Variants in STAG1 observed in about 807,000 individuals in gnomAD.
STAG1 encodes cohesin subunit SA-1.
STAG1 carries 26 observed loss-of-function variants against 170.9 expected under a neutral mutation model. That is an observed-to-expected ratio of 0.15 (90% confidence interval 0.11 to 0.21). STAG1 has a LOEUF of 0.21. Ranked by LOEUF, STAG1 falls within the 10% of genes least tolerant of loss-of-function variation. The probability of loss-of-function intolerance (pLI) is 1.00; values close to 1 mark genes in which losing one functional copy is unlikely to be tolerated. For synonymous variants in STAG1, 514 were observed against 497.7 expected (o/e 1.03, Z -0.44); for missense variants, 964 against 1,509.5 (o/e 0.64, Z 5.99).
rs556960964 is a variant in STAG1 at position 136,563,792 on chromosome 3, G to A, written c.394+4973C>T. On this transcript the variant is annotated intron_variant, in intron 5 of 33. Coordinates refer to ENST00000383202, the MANE Select transcript of STAG1 (RefSeq NM_005862.3). ...TCCCAGCACTTTAGGAGGCCAAGGC[G>A]GGTGGATCATGAGGTCAGGAGTTCA... Among the ~76,000 whole-genome samples the A allele has an allele frequency of 1.9e-3, 282 of 152,144 alleles. 1 individual carries two copies. The highest frequency in any genetic ancestry group is 5.7e-3 in the African/African-American group (238 of 41,496).
chr3:136,468,532 A>C (rs1171329690), intron 12 of STAG1, among the ~76,000 whole-genome samples: 1 of 152,210 alleles, frequency 6.6e-6, no homozygotes, highest in African/African-American at 2.4e-5. Context: ...ACCAACCAAA[A>C]AAAGTCCAGG....
At chr3:136,588,954 G>A (rs1311567601) in intron 4 of STAG1, among the ~76,000 whole-genome samples, 2 of 152,040 alleles carry the variant, frequency 1.3e-5, no homozygotes, top group Non-Finnish European at 2.9e-5. Context: ...GCAGAGAAGG[G>A]GTTTCACTAT....
rs185379653 is a variant in STAG1 at position 136,384,404 on chromosome 3, T to G, written c.2278-6652A>C. Among the ~76,000 whole-genome samples, 11 of 147,792 alleles carry G rather than the reference T, an allele frequency of 7.4e-5. No individual in the cohort carries two copies. The East Asian group carries it at 2.2e-3, about 29-fold the overall frequency. ...GGTGTAGGTTACAGAGAGCAAAGAC[T>G]GCACCATTGCACTCCAGCCTCGGCA... On this transcript the variant is annotated intron_variant, in intron 22 of 33. Transcript: ENST00000383202.
chr3:136,599,419 T>C lies in STAG1; in HGVS notation c.297+4890A>G, dbSNP rs553822035. 8.5e-5 allele frequency among the ~76,000 whole-genome samples: 13 copies of C among 152,216 alleles called. No individual in the cohort carries two copies. In the East Asian group the frequency reaches 2.5e-3, roughly 29 times the overall value. On this transcript the variant is annotated intron_variant, in intron 4 of 33. Coordinates refer to ENST00000383202, the MANE Select transcript of STAG1 (RefSeq NM_005862.3). ...GGTGACATGTGCCTGTAGTCCCAGC[T>C]ACTTGGGAGGCTGAAGCAGGAGAGT...
At chr3:136,484,152 G>A (rs933480373) in intron 9 of STAG1, among the ~76,000 whole-genome samples, 2 of 147,524 alleles carry the variant, frequency 1.4e-5, no homozygotes, top group South Asian at 2.2e-4. Flanking sequence ...GAGGAGAGGC[G>A]CTCTGCGTTT....
At chr3:136,372,553 T>G (rs981164639) in intron 23 of STAG1, among the ~76,000 whole-genome samples, 17 of 152,216 alleles carry the variant, frequency 1.1e-4, no homozygotes, top group Middle Eastern at 3.4e-3. Context: ...GAGTTTTTAG[T>G]ATGAAGGTTG....
chr3:136,506,928 T>C (rs1189242009), intron 7 of STAG1, among the ~76,000 whole-genome samples: 1 of 152,112 alleles, frequency 6.6e-6, no homozygotes, highest in East Asian at 1.9e-4. Context: ...AATGGAAAAA[T>C]ACAGACAAGA....
chr3:136,510,115 C>T (rs531760996), intron 7 of STAG1, among the ~76,000 whole-genome samples: 8 of 152,292 alleles, frequency 5.3e-5, no homozygotes, highest in African/African-American at 1.9e-4. Context: ...TTCAACCCAT[C>T]AATCCCATTA....
chr3:136,701,030 T>A (rs1409326697), intron 1 of STAG1, among the ~76,000 whole-genome samples: 1 of 151,430 alleles, frequency 6.6e-6, no homozygotes, highest in African/African-American at 2.4e-5. Context: ...AACGGGCACA[T>A]GCCACCACAC....
Position 136,423,048 on chromosome 3 carries a change from G to T in STAG1, c.1651-4C>A. 6.3e-7 allele frequency: 1 copy of T among 1,585,774 alleles called. No homozygotes were observed. Among genetic ancestry groups the T allele is most frequent in the Middle Eastern group, 1.8e-4 (1 of 5,426 alleles). On this transcript the variant is annotated splice_polypyrimidine_tract_variant and splice_region_variant and intron_variant, in intron 16 of 33. Transcript: ENST00000383202. ...TCCTTTCTTTGGCAGTTAGCACCTA[G>T]AAACAAAATCGGAAAAGAAGAAGAG...
At chr3:136,656,076 T>C (rs1402517114) in intron 1 of STAG1, among the ~76,000 whole-genome samples, 1 of 152,142 alleles carries the variant, frequency 6.6e-6, no homozygotes, top group East Asian at 1.9e-4. Context: ...TGGAGTATTA[T>C]TCAGCCTTAA....
At chr3:136,630,086 T>G (rs1940271411) in intron 2 of STAG1, among the ~76,000 whole-genome samples, 1 of 151,914 alleles carries the variant, frequency 6.6e-6, no homozygotes, top group African/African-American at 2.4e-5. Context: ...TCCCAGCTAC[T>G]CAGGAGGTCG....
In STAG1 at chr3:136,398,823, C is replaced by T. The variant is rs773534068; in HGVS notation, c.2203G>A (p.Val735Met). The change falls in exon 22 of 34, where the codon GTG becomes ATG. Residue 735 changes from valine to methionine, a missense_variant. Transcript: ENST00000383202. ...TAATGGGAACACTGCAGTGCTTGCA[C>T]GACTATCTGTATCAAATGAAAAAAA... The part of the protein sequence containing the change: ...EHGAMPEQIV[V>M]QALQCSHYSI... 12 of 1,562,466 alleles carry T rather than the reference C, an allele frequency of 7.7e-6. No individual in the cohort carries two copies. The highest frequency in any genetic ancestry group is 4.7e-5 in the East Asian group (2 of 42,502).
At chr3:136,551,504 T>C (rs189843578) in intron 5 of STAG1, among the ~76,000 whole-genome samples, 31 of 149,722 alleles carry the variant, frequency 2.1e-4, no homozygotes, top group Non-Finnish European at 3.6e-4. Context: ...ACTCTAGAAC[T>C]CCTCAACTGA....
intron 1 of STAG1, among the ~76,000 whole-genome samples, chr3:136,649,239 G>A (rs902845886): frequency 6.6e-6 from 1 of 152,022 alleles, no homozygotes; most frequent in Non-Finnish European, 1.5e-5. Context: ...CCCACTTTGG[G>A]AGGCTGAGGT....
chr3:136,365,364 G>A (rs1937035981), intron 25 of STAG1, among the ~76,000 whole-genome samples: 1 of 152,134 alleles, frequency 6.6e-6, no homozygotes, highest in Admixed American at 6.6e-5. Context: ...CAGATGAATC[G>A]TGTCTTAAGA....
At chr3:136,636,640 ATAAACAATAGT>A (rs1213290758) in intron 1 of STAG1, among the ~76,000 whole-genome samples, 3 of 152,254 alleles carry the variant, frequency 2.0e-5, no homozygotes, top group African/African-American at 7.2e-5. Context: ...GCTAACTGAT[ATAAACAATAGT>A]TAAGTTCCTA....
At chr3:136,745,769 A>G (rs1417986121) in intron 1 of STAG1, among the ~76,000 whole-genome samples, 2 of 152,208 alleles carry the variant, frequency 1.3e-5, no homozygotes, top group Non-Finnish European at 2.9e-5. Context: ...CCTGGGCCAC[A>G]TTGGAAGAAG....
intron 2 of STAG1, among the ~76,000 whole-genome samples, chr3:136,627,627 A>G (rs1940164856): frequency 6.6e-6 from 1 of 152,164 alleles, no homozygotes; most frequent in African/African-American, 2.4e-5. Flanking sequence ...ATCTTACTAC[A>G]TAATCAAGTT....
Sources: allele counts gnomAD v4.1 joint callset (sites outside exome capture counted in the v4.1 genomes callset), GRCh38; gene constraint gnomAD v4.1.1; transcripts MANE v1.5; gene names NCBI Gene and HGNC (gene_info 2026-07-23, HGNC 2026-07-21).